UMAD1: variants seen among roughly 807,000 people sequenced by gnomAD.
The protein encoded by UMAD1 is UBAP1-MVB12-associated (UMA) domain containing 1, also known as UBAP1-MVB12-associated (UMA)-domain containing protein 1.
UMAD1 carries 8 observed loss-of-function variants against 6.1 expected under a neutral mutation model. That is an observed-to-expected ratio of 1.30 (90% confidence interval 0.76 to 2.35). The LOEUF (loss-of-function observed/expected upper bound fraction) is 2.35, where lower values mean the gene tolerates loss of function less well. Among genes scored for constraint, UMAD1 ranks in the 30% most tolerant of loss-of-function variants. UMAD1 has a pLI of 0.00. For missense variants in UMAD1, 130 were observed against 78.4 expected, an observed-to-expected ratio of 1.66 and a Z score of -2.49; for synonymous variants, 56 against 31.4, an observed-to-expected ratio of 1.78 and a Z score of -2.61.
At chr7:7,804,165 G>A (rs1782859056) in intron 3 of UMAD1, among the ~76,000 whole-genome samples, 1 of 152,096 alleles carries the variant, frequency 6.6e-6, no homozygotes. Flanking sequence ...GGCAATGAGA[G>A]GACAGTGTTT....
At chr7:7,758,216 G>A (rs944500022) in intron 2 of UMAD1, among the ~76,000 whole-genome samples, 2 of 152,000 alleles carry the variant, frequency 1.3e-5, no homozygotes, top group African/African-American at 2.4e-5. Context: ...GCCTTGGCTG[G>A]ATTTTTGGTT....
At chr7:7,707,998 C>T (rs767499825) in intron 2 of UMAD1, among the ~76,000 whole-genome samples, 2 of 152,084 alleles carry the variant, frequency 1.3e-5, no homozygotes, top group East Asian at 1.9e-4. Flanking sequence ...TTTTTTAATG[C>T]GGCTCCTCCT....
At chr7:7,660,188 G>C (rs1270876784) in intron 1 of UMAD1, among the ~76,000 whole-genome samples, 2 of 152,168 alleles carry the variant, frequency 1.3e-5, no homozygotes, top group Non-Finnish European at 2.9e-5. Flanking sequence ...TTGAGCCTAT[G>C]TGTGTCTTTG....
intron 3 of UMAD1, among the ~76,000 whole-genome samples, chr7:7,835,345 G>A (rs182708051): frequency 6.9e-6 from 1 of 143,938 alleles, no homozygotes; most frequent in East Asian, 2.0e-4. Context: ...AAAGCATTTT[G>A]CTGTCACTTT....
chr7:7,865,446 C>T (rs764080343), intron 3 of UMAD1, among the ~76,000 whole-genome samples: 4 of 152,136 alleles, frequency 2.6e-5, no homozygotes, highest in Non-Finnish European at 2.9e-5. Context: ...AACTAGGTAA[C>T]TCAGCCTACC....
At chr7:7,750,602 G>C (rs1781660177) in intron 2 of UMAD1, among the ~76,000 whole-genome samples, 1 of 152,048 alleles carries the variant, frequency 6.6e-6, no homozygotes, top group Non-Finnish European at 1.5e-5. Context: ...CAACACTACT[G>C]TGTGTAAGGC....
intron 3 of UMAD1, among the ~76,000 whole-genome samples, chr7:7,857,328 G>T (rs1261770741): frequency 6.6e-6 from 1 of 152,152 alleles, no homozygotes; most frequent in African/African-American, 2.4e-5. Flanking sequence ...AGCATAATTG[G>T]TTCAGGAATC....
chr7:7,734,072 C>G (rs1466994923), intron 2 of UMAD1, among the ~76,000 whole-genome samples: 4 of 152,014 alleles, frequency 2.6e-5, no homozygotes, highest in Admixed American at 6.6e-5. Context: ...GCAACCAACC[C>G]TTTTTTTAAA....
chr7:7,836,988 GC>G (rs1416205730), intron 3 of UMAD1, among the ~76,000 whole-genome samples: 2 of 150,604 alleles, frequency 1.3e-5, no homozygotes, highest in African/African-American at 2.4e-5. Context: ...GATTTAGAAA[GC>G]CCCCCAAACA....
chr7:7,761,497 A>G (rs562824811), intron 2 of UMAD1, among the ~76,000 whole-genome samples: 16 of 152,318 alleles, frequency 1.1e-4, no homozygotes, highest in South Asian at 2.1e-4. Context: ...TTTGGTTTCA[A>G]TGCTCCTCTC....
intron 3 of UMAD1, among the ~76,000 whole-genome samples, chr7:7,810,064 A>G (rs920233931): frequency 1.3e-5 from 2 of 152,070 alleles, no homozygotes; most frequent in African/African-American, 2.4e-5. Context: ...TTCAAGAACA[A>G]TTTCAAAAAT....
At chr7:7,658,288 C>T (rs140561372) in intron 1 of UMAD1, among the ~76,000 whole-genome samples, 6 of 152,198 alleles carry the variant, frequency 3.9e-5, no homozygotes, top group South Asian at 2.1e-4. Flanking sequence ...TTTTCCTATT[C>T]GAATACCCCT....
chr7:7,648,286 G>C (rs1448906336), intron 1 of UMAD1, among the ~76,000 whole-genome samples: 1 of 151,706 alleles, frequency 6.6e-6, no homozygotes, highest in Non-Finnish European at 1.5e-5. Context: ...CTCTGCTTAA[G>C]TTTTCTCCGC....
chr7:7,653,067 A>G (rs1484463488), intron 1 of UMAD1, among the ~76,000 whole-genome samples: 1 of 152,212 alleles, frequency 6.6e-6, no homozygotes, highest in Non-Finnish European at 1.5e-5. Flanking sequence ...TTAGGACATT[A>G]TTTAGATGTG....
intron 3 of UMAD1, among the ~76,000 whole-genome samples, chr7:7,856,168 T>A (rs1055899228): frequency 1.3e-5 from 2 of 152,232 alleles, no homozygotes; most frequent in Non-Finnish European, 2.9e-5. Flanking sequence ...CAAAGTTGCT[T>A]CCACATTATC....
chr7:7,773,953 C>T (rs989148146), intron 2 of UMAD1, among the ~76,000 whole-genome samples: 2 of 152,198 alleles, frequency 1.3e-5, no homozygotes, highest in Non-Finnish European at 2.9e-5. Flanking sequence ...CTGTTTCTCT[C>T]TGGCTCACTG....
chr7:7,876,313 C>G (rs536391154), intron 3 of UMAD1, among the ~76,000 whole-genome samples: 7 of 152,222 alleles, frequency 4.6e-5, no homozygotes, highest in East Asian at 1.9e-4. Flanking sequence ...CCAGGGCACA[C>G]GAGCTGGAGA....
intron 2 of UMAD1, among the ~76,000 whole-genome samples, chr7:7,709,475 A>C (rs977850116): frequency 6.6e-6 from 1 of 152,218 alleles, no homozygotes; most frequent in Non-Finnish European, 1.5e-5. Flanking sequence ...GCTGTAAAAC[A>C]AAGCAGAAGG....
chr7:7,841,406 G>A (rs576412716), intron 3 of UMAD1, among the ~76,000 whole-genome samples: 1 of 150,664 alleles, frequency 6.6e-6, no homozygotes, highest in Admixed American at 6.7e-5. Context: ...AGGCTCAAGC[G>A]ATCCTCCCAC....
Sources: gnomAD v4.1 joint callset for allele counts (sites outside exome capture counted in the v4.1 genomes callset) on GRCh38, gnomAD v4.1.1 for gene constraint, MANE v1.5 for transcripts, NCBI Gene and HGNC (gene_info 2026-07-23, HGNC 2026-07-21) for gene names.